SFXN5: variants seen among roughly 807,000 people sequenced by gnomAD.
SFXN5 encodes the protein sideroflexin-5.
A neutral mutation model predicts 50.2 loss-of-function variants in SFXN5; 43 were observed. The observed-to-expected ratio is 0.86, with a 90% CI of 0.67 to 1.11. The LOEUF (loss-of-function observed/expected upper bound fraction) is 1.11. SFXN5 is among the 50% of genes least tolerant of loss of function. The probability of loss-of-function intolerance (pLI) is 0.00; values close to 1 mark genes in which losing one functional copy is unlikely to be tolerated. For missense variants in SFXN5, 463 were observed against 454.1 expected, an observed-to-expected ratio of 1.02 and a Z score of -0.18; for synonymous variants, 203 against 185.8, an observed-to-expected ratio of 1.09 and a Z score of -0.75.
intron 2 of SFXN5, among the ~76,000 whole-genome samples, chr2:73,043,745 A>C (rs568352272): frequency 7.9e-5 from 12 of 152,212 alleles, no homozygotes; most frequent in Admixed American, 1.3e-4. Flanking sequence ...TTTAAAGAAA[A>C]TATCAGAACA....
chr2:73,050,388 G>GCGCGCACACACACACACACACACA lies in SFXN5; in HGVS notation c.171+8139_171+8140insTGTGTGTGTGTGTGTGTGTGCGCG. Among the ~76,000 whole-genome samples the GCGCGCACACACACACACACACACA allele has an allele frequency of 9.9e-3, 1,423 of 143,860 alleles. 25 individuals are homozygous for GCGCGCACACACACACACACACACA. Among genetic ancestry groups the GCGCGCACACACACACACACACACA allele is most frequent in the East Asian group, 0.039 (183 of 4,740 alleles). The allele number at this position is 143,860 out of a possible 152,430, so 94.4% of individuals were successfully genotyped here. On this transcript the variant is annotated intron_variant, in intron 2 of 13. Transcript: ENST00000272433. ...GTGGAGGTAGCGCCGCAGCCACAGCGCACGCACACACACACACACACACAC... is the reference window on the plus strand; with the variant it reads ...GTGGAGGTAGCGCCGCAGCCACAGCGCGCGCACACACACACACACACACACACGCACACACACACACACACACAC...
Position 73,059,949 on chromosome 2 carries a change from A to G in SFXN5, c.103-1353T>C, listed in dbSNP as rs1024331989. On this transcript the variant is annotated intron_variant, in intron 1 of 13. Transcript: ENST00000272433. ...TGGTTAAATAAATGATGGTCCATTC[A>G]TATGACTGAATACTATGCAGCCTTT... is the stretch of plus-strand genomic sequence containing the variant. The G allele has an allele frequency of 5.1e-6, 4 of 778,606 alleles. No individual in the cohort carries two copies. In the African/African-American group the frequency reaches 7.5e-5, roughly 15 times the overall value. 48.2% of individuals were successfully genotyped at this position (778,606 alleles called of 1,614,324 possible). A position where few individuals can be genotyped will look rare whatever the true frequency, so the allele number is the denominator to read the frequency against.
At chr2:73,066,480 C>T (rs565176226) in intron 1 of SFXN5, among the ~76,000 whole-genome samples, 137 of 151,988 alleles carry the variant, frequency 9.0e-4, no homozygotes, top group African/African-American at 3.0e-3. Flanking sequence ...ATCACTTGAA[C>T]CCGGGAGGCG....
rs569260624 is a variant in SFXN5 at position 73,032,998 on chromosome 2, A to G, written c.249+7856T>C. Among the ~76,000 whole-genome samples the G allele has an allele frequency of 4.6e-3, 704 of 152,292 alleles. 2 individuals are homozygous for G. The highest frequency in any genetic ancestry group is 7.6e-3 in the Non-Finnish European group (518 of 68,030). On this transcript the variant is annotated intron_variant, in intron 3 of 13. Coordinates refer to ENST00000272433, the MANE Select transcript of SFXN5 (RefSeq NM_144579.3). ...GGGACTCTTCGCCTAGTTCTGCAGC[A>G]TAGCACACAGCAGCAGTTGCAACTT...
chr2:72,987,311 T>C (rs1672035184), intron 10 of SFXN5, among the ~76,000 whole-genome samples: 1 of 150,636 alleles, frequency 6.6e-6, no homozygotes, highest in Non-Finnish European at 1.5e-5. Flanking sequence ...GGTTTCACCA[T>C]GTTGGCAAGG....
chr2:72,953,984 CCTCT>C lies in SFXN5; in HGVS notation c.945+7143_945+7146del, dbSNP rs1489985222. Among the ~76,000 whole-genome samples the C allele has an allele frequency of 6.6e-6, 1 of 152,108 alleles. No individual in the cohort carries two copies. ...TTTTTGCCCATACAGGGAGGGTATG[CCTCT>C]CTGTTTCTTAACCCTGAAAGCTGTA... On this transcript the variant is annotated intron_variant, in intron 13 of 13. Transcript: ENST00000272433. This position sits in a 1 kb window ranked among gnomAD's most constrained non-coding sequence, Gnocchi z 4.1.
intron 9 of SFXN5, among the ~76,000 whole-genome samples, chr2:72,991,899 G>C (rs914174114): frequency 1.5e-4 from 23 of 152,188 alleles, no homozygotes; most frequent in African/African-American, 5.5e-4. Context: ...AACAATTACT[G>C]CTGAGGGTCC....
intron 10 of SFXN5, among the ~76,000 whole-genome samples, 169 bp downstream of exon 10, chr2:72,988,089 A>T (rs1672126032): frequency 6.6e-6 from 1 of 152,202 alleles, no homozygotes; most frequent in South Asian, 2.1e-4. Context: ...AGAGCTGGTC[A>T]GTGGGACCCC....
At chr2:73,041,686 C>A in intron 2 of SFXN5, 1 of 380,688 alleles carries the variant, frequency 2.6e-6, no homozygotes, top group Non-Finnish European at 5.3e-6. Flanking sequence ...AATAGAAAGC[C>A]TTTATAAGGA....
intron 13 of SFXN5, among the ~76,000 whole-genome samples, chr2:72,958,331 T>TG (rs1402844492): frequency 2.0e-5 from 3 of 152,172 alleles, no homozygotes; most frequent in Non-Finnish European, 4.4e-5. Flanking sequence ...GGCCTGGACT[T>TG]GGAGTGTGGA....
intron 6 of SFXN5, among the ~76,000 whole-genome samples, chr2:73,004,138 G>A (rs1326720724): frequency 6.6e-6 from 1 of 152,130 alleles, no homozygotes; most frequent in African/African-American, 2.4e-5. Context: ...CCTGGTTCCT[G>A]GCTTGGGGGC....
rs534315913 is a variant in SFXN5, at chr2:72,992,627, G to A, written c.535-4279C>T. ...GGCAGGAGCCTCCTGGGGCCCACGT[G>A]TAACCATGGCTCCCTGGTGCATCTC... On this transcript the variant is annotated intron_variant, in intron 9 of 13. Transcript: ENST00000272433. The surrounding 1 kb of genome is among the most constrained non-coding windows in gnomAD (Gnocchi z 4.5). 2.0e-5 allele frequency among the ~76,000 whole-genome samples: 3 copies of A among 152,302 alleles called. No individual in the cohort carries two copies. In the South Asian group the frequency reaches 6.2e-4, roughly 32 times the overall value.
Position 73,001,545 on chromosome 2 carries a change from C to A in SFXN5, c.391G>T (p.Ala131Ser). Residue 131 changes from alanine to serine, a missense_variant, in exon 7 of 14, where the codon GCA (alanine) becomes TCA (serine). Coordinates refer to ENST00000272433, the MANE Select transcript of SFXN5 (RefSeq NM_144579.3). Reference sequence around the variant, plus strand: ...GTTACCTGCCAGAAGACAGTGGATGCCAGTGTCTGGTTGGGCAAGAGAAGA... The same window carrying A: ...GTTACCTGCCAGAAGACAGTGGATGACAGTGTCTGGTTGGGCAAGAGAAGA... ...VGLLLPNQTL[A>S]STVFWQWLNQ... The A allele has an allele frequency of 1.2e-6, 2 of 1,614,182 alleles. No individual in the cohort carries two copies.
chr2:73,026,875 C>A (rs1677624920), intron 3 of SFXN5, among the ~76,000 whole-genome samples: 1 of 151,974 alleles, frequency 6.6e-6, no homozygotes, highest in African/African-American at 2.4e-5. Context: ...ATTACAGGCA[C>A]CCACCACCAT....
At chr2:73,037,719 G>A (rs1559185503) in intron 3 of SFXN5, among the ~76,000 whole-genome samples, 1 of 152,148 alleles carries the variant, frequency 6.6e-6, no homozygotes. Context: ...AGAAAATAGC[G>A]CAATGGTCTT....
At chr2:73,047,758 A>G (rs1198642627) in intron 2 of SFXN5, among the ~76,000 whole-genome samples, 1 of 152,138 alleles carries the variant, frequency 6.6e-6, no homozygotes, top group African/African-American at 2.4e-5. Flanking sequence ...ATAATTACCC[A>G]GTCTTGAGTA....
At chr2:72,985,915 C>T (rs1317380951) in intron 10 of SFXN5, among the ~76,000 whole-genome samples, 1 of 152,222 alleles carries the variant, frequency 6.6e-6, no homozygotes, top group Non-Finnish European at 1.5e-5. Context: ...CAAGGTGACA[C>T]AGCAAGATGG....
intron 3 of SFXN5, among the ~76,000 whole-genome samples, chr2:73,024,404 C>G (rs929439983): frequency 6.6e-6 from 1 of 152,154 alleles, no homozygotes; most frequent in Non-Finnish European, 1.5e-5. Flanking sequence ...CACCTGTAGT[C>G]CCAACACTTT....
At position 72,960,034 on chromosome 2, in the gene SFXN5, G is replaced by A. The variant is rs139065882; in HGVS notation, c.945+1097C>T. On this transcript the variant is annotated intron_variant, in intron 13 of 13. Transcript: ENST00000272433. The surrounding 1 kb of genome is among the most constrained non-coding windows in gnomAD (Gnocchi z 6.1). ...CCTGTGGATGCCCCCCACCCACCCTGATCACACATGGCCCGGATCTGCCCT... is the reference window on the plus strand; with the variant it reads ...CCTGTGGATGCCCCCCACCCACCCTAATCACACATGGCCCGGATCTGCCCT... Among the ~76,000 whole-genome samples the A allele has an allele frequency of 2.1e-3, 315 of 151,924 alleles. No individual in the cohort carries two copies. The highest frequency in any genetic ancestry group is 3.1e-3 in the Non-Finnish European group (208 of 67,946).
Sources: gnomAD v4.1 joint callset for allele counts (sites outside exome capture counted in the v4.1 genomes callset) on GRCh38, gnomAD v4.1.1 for gene constraint, Gnocchi (gnomAD v3.1) non-coding constraint, MANE v1.5 for transcripts, NCBI Gene and HGNC (gene_info 2026-07-23, HGNC 2026-07-21) for gene names.